The following EML5 variants were observed in gnomAD, a reference collection of about 807,000 sequenced individuals.
EML5 encodes the protein echinoderm microtubule-associated protein-like 5.
In EML5, 120 loss-of-function variants were observed where a neutral mutation model predicts 250.0. The ratio of observed to expected loss-of-function variants is 0.48; its 90% CI spans 0.41 to 0.56. The LOEUF is 0.56. Among genes scored for constraint, EML5 ranks in the 20% least tolerant of loss-of-function variants. The pLI is 0.00. For synonymous variants in EML5, 771 were observed against 806.5 expected, an observed-to-expected ratio of 0.96 and a Z score of 0.75; for missense variants, 2,006 against 2,437.6, an observed-to-expected ratio of 0.82 and a Z score of 3.73.
chr14:88,706,721 C>T (rs757364736), intron 10 of EML5, among the ~76,000 whole-genome samples: 9 of 152,164 alleles, frequency 5.9e-5, no homozygotes, highest in Non-Finnish European at 1.2e-4. Context: ...GGCCTGAGGC[C>T]TTTGGGCTTA....
chr14:88,631,288 A>C (rs1321263255), intron 33 of EML5, among the ~76,000 whole-genome samples: 1 of 152,224 alleles, frequency 6.6e-6, no homozygotes, highest in Non-Finnish European at 1.5e-5. Flanking sequence ...ATCATGACAC[A>C]CCGCAGCCTC....
chr14:88,682,949 T>C (rs1344480820), intron 20 of EML5, among the ~76,000 whole-genome samples: 2 of 152,360 alleles, frequency 1.3e-5, no homozygotes, highest in East Asian at 3.9e-4. Flanking sequence ...GGTTCAGAGA[T>C]TCTGCCTGGA....
rs2093966799 is a variant in EML5, at chr14:88,744,007, A to G, written c.525+16T>C. ...GAACTAAACGTGACTATTATAAAACAAGACCCTTCTAGTACCTTGATATGT... is the reference window on the plus strand; with the variant it reads ...GAACTAAACGTGACTATTATAAAACGAGACCCTTCTAGTACCTTGATATGT... On this transcript the variant is annotated intron_variant, in intron 4 of 43. Coordinates refer to ENST00000554922, the MANE Select transcript of EML5 (RefSeq NM_183387.3). The G allele has an allele frequency of 1.9e-5, 29 of 1,528,008 alleles. No homozygotes were observed. The highest frequency in any genetic ancestry group is 2.6e-5 in the Non-Finnish European group (29 of 1,128,048). 94.7% of individuals were successfully genotyped at this position (1,528,008 alleles called of 1,614,324 possible).
Position 88,715,054 on chromosome 14 carries a change from T to C in EML5, c.1329A>G (p.Lys443=), listed in dbSNP as rs759934837. Residue 443 remains lysine, a synonymous_variant, in exon 9 of 44, where the codon AAA becomes AAG. Coordinates refer to ENST00000554922, the MANE Select transcript of EML5 (RefSeq NM_183387.3). The stretch of plus-strand genomic sequence containing the variant: ...TAAGGGATCCCAAACACTCGCCAAC[T>C]TTTTTATAACGCTGAGCAACTCCAT... ...DIYGVAQRYK[K]VGECLGSLSF... is the part of the protein sequence containing the mutation. The C allele has an allele frequency of 1.9e-6, 3 of 1,613,896 alleles. No homozygotes were observed. The highest frequency in any genetic ancestry group is 1.3e-5 in the African/African-American group (1 of 75,054).
At chr14:88,790,970 ATACAT>A in intron 1 of EML5, among the ~76,000 whole-genome samples, 1 of 152,334 alleles carries the variant, frequency 6.6e-6, no homozygotes, top group African/African-American at 2.4e-5. Flanking sequence ...TTTCAAAGTA[ATACAT>A]TAAATACAAT....
intron 16 of EML5, 21 bp from the exon 17 acceptor site, chr14:88,694,428 T>A (rs990803984): frequency 2.0e-6 from 3 of 1,468,696 alleles, no homozygotes; most frequent in Non-Finnish European, 2.8e-6. Flanking sequence ...CATCGAAATG[T>A]TTTAGCTCTG....
chr14:88,766,881 G>T (rs1290947158), intron 1 of EML5, among the ~76,000 whole-genome samples: 1 of 152,086 alleles, frequency 6.6e-6, no homozygotes, highest in Non-Finnish European at 1.5e-5. Flanking sequence ...AGGGAAAATA[G>T]AAAAGGACCC....
chr14:88,764,753 A>G (rs1017900658), intron 1 of EML5, among the ~76,000 whole-genome samples: 2 of 152,072 alleles, frequency 1.3e-5, no homozygotes, highest in Non-Finnish European at 2.9e-5. Flanking sequence ...GAATTTTACA[A>G]ATTTTGATAT....
At chr14:88,732,459 G>T (rs574504247) in intron 7 of EML5, among the ~76,000 whole-genome samples, 1 of 152,232 alleles carries the variant, frequency 6.6e-6, no homozygotes, top group Non-Finnish European at 1.5e-5. Flanking sequence ...TGCTGTTTTG[G>T]TTACTATAGC....
chr14:88,742,791 A>G (rs1047630849), intron 4 of EML5, among the ~76,000 whole-genome samples: 1 of 152,100 alleles, frequency 6.6e-6, no homozygotes, highest in African/African-American at 2.4e-5. Flanking sequence ...ATTTACTACT[A>G]TCCATCAATC....
intron 1 of EML5, among the ~76,000 whole-genome samples, chr14:88,759,317 A>G (rs1314816008): frequency 6.6e-6 from 1 of 152,064 alleles, no homozygotes; most frequent in Non-Finnish European, 1.5e-5. Context: ...CTTTATCTTC[A>G]TCTTGTTTTC....
At chr14:88,660,344 C>T (rs909828723) in intron 25 of EML5, among the ~76,000 whole-genome samples, 15 of 151,360 alleles carry the variant, frequency 9.9e-5, no homozygotes, top group Non-Finnish European at 1.9e-4. Context: ...ATTTTATTTC[C>T]GTGTTAAGGA....
chr14:88,616,038 A>C lies in EML5; in HGVS notation c.5897+104T>G, dbSNP rs1355169401. 4 of 1,332,874 alleles carry C rather than the reference A, an allele frequency of 3.0e-6. No homozygotes were observed. In the East Asian group the frequency reaches 9.3e-5, roughly 31 times the overall value. 82.6% of individuals were successfully genotyped at this position (1,332,874 alleles called of 1,614,324 possible). On this transcript the variant is annotated intron_variant, in intron 43 of 43. Coordinates refer to ENST00000554922, the MANE Select transcript of EML5 (RefSeq NM_183387.3). ...CATCTGGTTATACTACCTTCTACTA[A>C]TGTTGACTAGCTGATTTCATAAACC...
rs144723278 is a variant in EML5 at position 88,659,192 on chromosome 14, A to C, written c.3676-804T>G. Among the ~76,000 whole-genome samples, 210 of 152,278 alleles carry C rather than the reference A, an allele frequency of 1.4e-3. 1 individual carries two copies. Among genetic ancestry groups the C allele is most frequent in the African/African-American group, 4.9e-3 (203 of 41,568 alleles). On this transcript the variant is annotated intron_variant, in intron 25 of 43. Coordinates refer to ENST00000554922, the MANE Select transcript of EML5 (RefSeq NM_183387.3). ...TGTTAAAATGAGAGATGTCTTATAC[A>C]AAACACAGTGATAGCAAAATTTGTG...
chr14:88,776,602 C>T (rs1392560087), intron 1 of EML5, among the ~76,000 whole-genome samples: 2 of 151,766 alleles, frequency 1.3e-5, no homozygotes, highest in South Asian at 2.1e-4. Context: ...TGAAGTGGGT[C>T]GGGCATGGTG....
chr14:88,716,454 A>C (rs1042778987), intron 8 of EML5, among the ~76,000 whole-genome samples: 1 of 152,232 alleles, frequency 6.6e-6, no homozygotes, highest in East Asian at 1.9e-4. Flanking sequence ...CCTTTGCTCC[A>C]TATCCATCCA....
At chr14:88,695,826 TATA>T (rs2093065812) in intron 15 of EML5, among the ~76,000 whole-genome samples, 1 of 152,204 alleles carries the variant, frequency 6.6e-6, no homozygotes, top group East Asian at 1.9e-4. Context: ...TTTACTGTAA[TATA>T]AGAACTTTGA....
intron 1 of EML5, among the ~76,000 whole-genome samples, chr14:88,789,182 C>T (rs1006168077): frequency 1.2e-4 from 18 of 151,858 alleles, no homozygotes; most frequent in Non-Finnish European, 8.8e-5. Flanking sequence ...TATTTTATAA[C>T]TTAGTCTTAA....
chr14:88,732,502 T>A (rs949641873), intron 7 of EML5, among the ~76,000 whole-genome samples: 3 of 152,252 alleles, frequency 2.0e-5, no homozygotes, highest in African/African-American at 7.2e-5. Context: ...GGTAGCGTGA[T>A]GCCTTCAGTG....
Sources: gnomAD v4.1 joint callset for allele counts (sites outside exome capture counted in the v4.1 genomes callset) on GRCh38, gnomAD v4.1.1 for gene constraint, MANE v1.5 for transcripts, NCBI Gene and HGNC (gene_info 2026-07-23, HGNC 2026-07-21) for gene names.